TUBA3C: variants seen among roughly 807,000 people sequenced by gnomAD.
TUBA3C encodes tubulin alpha 3c, also known as tubulin alpha-3C chain.
In TUBA3C, 23 loss-of-function variants were observed where a neutral mutation model predicts 33.4. That is an observed-to-expected ratio of 0.69 (90% confidence interval 0.50 to 0.98). TUBA3C has a LOEUF of 0.98. Among genes scored for constraint, TUBA3C ranks in the 50% least tolerant of loss-of-function variants. The pLI is 0.00. For missense variants in TUBA3C, 402 were observed against 616.0 expected (o/e 0.65, Z 3.68); for synonymous variants, 269 against 250.4 (o/e 1.07, Z -0.70).
intron 4 of TUBA3C, among the ~76,000 whole-genome samples, chr13:19,176,021 G>A (rs549380362): frequency 6.6e-6 from 1 of 152,314 alleles, no homozygotes; most frequent in East Asian, 1.9e-4. Flanking sequence ...TGGATTATAG[G>A]CATGGGCCAC....
In TUBA3C at chr13:19,179,558, C is replaced by T. The variant is rs1728569174; in HGVS notation, c.9G>A (p.Glu3=). Residue 3 remains glutamate, a synonymous_variant, in exon 2 of 5, where the codon GAG becomes GAA. Transcript: ENST00000400113. ...CCTGCCCCACGTGGATAGAGATACA[C>T]TCACGCTGTGAACCAGAACATAAAT... MR[E]CISIHVGQAG... 6.2e-7 allele frequency: 1 copy of T among 1,613,712 alleles called. No homozygotes were observed. The highest frequency in any genetic ancestry group is 1.3e-5 in the African/African-American group (1 of 74,944).
intron 4 of TUBA3C, 112 bp downstream of exon 4, chr13:19,176,815 C>G: frequency 8.1e-7 from 1 of 1,241,198 alleles, no homozygotes; most frequent in Non-Finnish European, 1.1e-6. Context: ...ACATGCCTAG[C>G]CCATGGAATA....
intron 1 of TUBA3C, among the ~76,000 whole-genome samples, chr13:19,180,616 C>G (rs1869368759): frequency 6.6e-6 from 1 of 152,044 alleles, no homozygotes; most frequent in African/African-American, 2.4e-5. Context: ...ATTCTCCTGC[C>G]TCAGTCTCCC....
rs139332145 is a variant in TUBA3C, at chr13:19,173,967, C to A, written c.1249G>T (p.Glu417Ter). Residue 417 changes from glutamate (E) to a stop codon, truncating the protein, a stop_gained, in exon 5 of 5, where the codon GAG (glutamate) becomes TAG (stop). Coordinates refer to ENST00000400113, the MANE Select transcript of TUBA3C (RefSeq NM_006001.3). LOFTEE classifies it high-confidence loss of function. ...WYVGEGMEEG[E>*]FSEAREDLAA... ...AGGTCCTCGCGGGCCTCAGAGAACTCCCCCTCCTCCATGCCTTCTCCCACG... is the reference window on the plus strand; with the variant it reads ...AGGTCCTCGCGGGCCTCAGAGAACTACCCCTCCTCCATGCCTTCTCCCACG... 2.9e-5 allele frequency: 46 copies of A among 1,610,470 alleles called. No individual in the cohort carries two copies. The African/African-American group carries it at 5.7e-4, about 20-fold the overall frequency.
intron 4 of TUBA3C, 75 bp downstream of exon 4, chr13:19,176,852 C>T: frequency 6.6e-7 from 1 of 1,519,114 alleles, no homozygotes; most frequent in Non-Finnish European, 8.9e-7. Flanking sequence ...AGGATGTGGG[C>T]CTTCAGGGGC....
intron 1 of TUBA3C, among the ~76,000 whole-genome samples, chr13:19,181,183 G>T (rs1869401126): frequency 6.6e-6 from 1 of 151,682 alleles, no homozygotes; most frequent in African/African-American, 2.4e-5. Context: ...CTCCCGAGTA[G>T]CTGGAACCAC....
intron 3 of TUBA3C, 136 bp downstream of exon 3, chr13:19,178,110 T>C (rs1869266292): frequency 1.5e-6 from 2 of 1,374,524 alleles, no homozygotes; most frequent in South Asian, 1.4e-5. Flanking sequence ...CCTCCCAAAG[T>C]GTTGGGATTA....
In TUBA3C at chr13:19,178,384, G is replaced by A. The variant is rs1869277358; in HGVS notation, c.237C>T (p.Arg79=). 3.7e-6 allele frequency: 6 copies of A among 1,613,740 alleles called. No individual in the cohort carries two copies. Among genetic ancestry groups the A allele is most frequent in the Non-Finnish European group, 5.1e-6 (6 of 1,179,880 alleles). ...GGAAGAGCTGCCTATAGGTTCCTGT[G>A]CGCACTTCATCTACAAAAGAGACCG... The part of the protein sequence containing the change: ...DLEPTVVDEV[R]TGTYRQLFHP... The change falls in exon 3 of 5, where the codon CGC becomes CGT. Residue 79 remains arginine, a synonymous_variant. Coordinates refer to ENST00000400113, the MANE Select transcript of TUBA3C (RefSeq NM_006001.3).
rs2138952812 is a variant in TUBA3C, at chr13:19,174,130, C to T, written c.1086G>A (p.Val362=). 6.2e-7 allele frequency: 1 copy of T among 1,613,342 alleles called. No individual in the cohort carries two copies. Among genetic ancestry groups the T allele is most frequent in the Non-Finnish European group, 8.5e-7 (1 of 1,179,574 alleles). ...KVGINYQPPT[V]VPGGDLAKVQ... is the part of the protein sequence containing the mutation. ...CCTTGGCCAGGTCTCCCCCAGGGAC[C>T]ACCGTGGGGGGCTGGTAGTTAATGC... The change falls in exon 5 of 5, where the codon GTG becomes GTA. Residue 362 remains valine, a synonymous_variant. Transcript: ENST00000400113.
At chr13:19,176,725 C>CAAAAAAAAAAAAAAAAAAAAAAAAAAA (rs55746544) in intron 4 of TUBA3C, among the ~76,000 whole-genome samples, 3 of 34,606 alleles carry the variant, frequency 8.7e-5, no homozygotes, top group Non-Finnish European at 1.2e-4. Flanking sequence ...GACTCTGCCT[C>CAAAAAAAAAAAAAAAAAAAAAAAAAAA]AAAAAAAAAA....
At chr13:19,179,954 TAGAG>T (rs1468529278) in intron 1 of TUBA3C, among the ~76,000 whole-genome samples, 3 of 152,126 alleles carry the variant, frequency 2.0e-5, no homozygotes, top group Non-Finnish European at 2.9e-5. Context: ...GGTAAGGAAA[TAGAG>T]AGTAGGTCCC....
intron 4 of TUBA3C, among the ~76,000 whole-genome samples, chr13:19,175,953 A>G (rs978587899): frequency 2.0e-5 from 3 of 152,128 alleles, no homozygotes; most frequent in Non-Finnish European, 4.4e-5. Flanking sequence ...CCTGTTGGCC[A>G]GGCTGGTGTC....
At chr13:19,180,561 G>A (rs1377576468) in intron 1 of TUBA3C, among the ~76,000 whole-genome samples, 1 of 151,830 alleles carries the variant, frequency 6.6e-6, no homozygotes, top group Non-Finnish European at 1.5e-5. Flanking sequence ...GAATGCAGTG[G>A]CACAATCTCA....
intron 2 of TUBA3C, 115 bp from the exon 3 acceptor site, chr13:19,178,509 CATGTTGTAGGT>C: frequency 1.4e-6 from 2 of 1,417,910 alleles, no homozygotes; most frequent in Non-Finnish European, 1.9e-6. Flanking sequence ...ACATGACCTA[CATGTTGTAGGT>C]CAACAGTGGC....
intron 1 of TUBA3C, among the ~76,000 whole-genome samples, chr13:19,180,253 T>C (rs1869354574): frequency 6.6e-6 from 1 of 152,172 alleles, no homozygotes; most frequent in Admixed American, 6.5e-5. Context: ...GCCACACTTT[T>C]GGCAGGTGGC....
At chr13:19,178,134 C>T (rs1325688721) in intron 3 of TUBA3C, 112 bp downstream of exon 3, 2 of 1,510,266 alleles carry the variant, frequency 1.3e-6, no homozygotes, top group African/African-American at 2.8e-5. Context: ...GCGTGAGCCA[C>T]CAGACCCAGC....
intron 3 of TUBA3C, 67 bp downstream of exon 3, chr13:19,178,179 C>A (rs996778180): frequency 2.4e-5 from 38 of 1,590,274 alleles, no homozygotes; most frequent in African/African-American, 5.4e-5. Flanking sequence ...AAAATGACCT[C>A]CCCTTCACAA....
At chr13:19,175,786 C>T (rs1204670915) in intron 4 of TUBA3C, among the ~76,000 whole-genome samples, 1 of 152,172 alleles carries the variant, frequency 6.6e-6, no homozygotes, top group Non-Finnish European at 1.5e-5. Flanking sequence ...TGCTGTCACC[C>T]AGGCTGGAGT....
At chr13:19,176,751 A>AAAAAAAAAAAC in intron 4 of TUBA3C, among the ~76,000 whole-genome samples, 176 bp downstream of exon 4, 1 of 141,768 alleles carries the variant, frequency 7.1e-6, no homozygotes, top group Non-Finnish European at 1.5e-5. Context: ...AAAAAAAAAA[A>AAAAAAAAAAAC]AAAAAAAAGA....
Sources: gnomAD v4.1 joint callset for allele counts (sites outside exome capture counted in the v4.1 genomes callset) on GRCh38, gnomAD v4.1.1 for gene constraint, MANE v1.5 for transcripts, NCBI Gene and HGNC (gene_info 2026-07-23, HGNC 2026-07-21) for gene names.